The following LRRC37A2 variants were observed in gnomAD, a reference collection of about 807,000 sequenced individuals.
LRRC37A2 encodes the protein leucine-rich repeat-containing protein 37A2.
LRRC37A2 carries 9 observed loss-of-function variants against 68.8 expected under a neutral mutation model. The observed-to-expected ratio is 0.13, with a 90% CI of 0.08 to 0.23. LRRC37A2 has a LOEUF of 0.23. Among genes scored for constraint, LRRC37A2 ranks in the 10% least tolerant of loss-of-function variants. The pLI is 1.00. For missense variants in LRRC37A2, 168 were observed against 950.4 expected (o/e 0.18, Z 10.82); for synonymous variants, 63 against 367.6 (o/e 0.17, Z 9.48).
At chr17:46,817,613 AG>A in the LRRC37A2 span, among the ~76,000 whole-genome samples, 1 of 151,088 alleles carries the variant, frequency 6.6e-6, no homozygotes, top group Non-Finnish European at 1.5e-5. Context: ...TTCCTCACCC[AG>A]GCCCCCCAGA....
the LRRC37A2 span, chr17:46,755,503 G>A: frequency 2.6e-4 from 212 of 812,244 alleles, no homozygotes; most frequent in East Asian, 8.0e-5. Flanking sequence ...TTGTAGGTCC[G>A]AGAGACCAAG....
chr17:46,940,335 C>T, the LRRC37A2 span: 1 of 1,463,634 alleles, frequency 6.8e-7, no homozygotes, highest in South Asian at 1.4e-5. Context: ...TCTGTGACTC[C>T]TAAAATGGGT....
the LRRC37A2 span, among the ~76,000 whole-genome samples, chr17:46,863,935 T>A: frequency 6.6e-6 from 1 of 152,152 alleles, no homozygotes; most frequent in East Asian, 1.9e-4. Flanking sequence ...TCCCTACAGC[T>A]GGGCGAAGGG....
chr17:46,893,264 T>C, the LRRC37A2 span, among the ~76,000 whole-genome samples: 1 of 152,194 alleles, frequency 6.6e-6, no homozygotes, highest in Non-Finnish European at 1.5e-5. Flanking sequence ...TACCTGGTGC[T>C]GAGGAGTAGG....
the LRRC37A2 span, among the ~76,000 whole-genome samples, chr17:46,926,959 A>G: frequency 6.6e-6 from 1 of 152,204 alleles, no homozygotes; most frequent in South Asian, 2.1e-4. Flanking sequence ...CACATGCTTT[A>G]TTCTACTAGT....
chr17:46,784,777 C>T, the LRRC37A2 span, among the ~76,000 whole-genome samples: 1,068 of 129,246 alleles, frequency 8.3e-3, 31 homozygotes, highest in East Asian at 0.035. Flanking sequence ...TTTTGCTTTT[C>T]TTTTTTTTTT....
the LRRC37A2 span, chr17:46,487,131 T>C: frequency 1.3e-6 from 1 of 753,602 alleles, no homozygotes; most frequent in Admixed American, 3.1e-5. Context: ...TGGAGAATGA[T>C]ATCAAACCAG....
the LRRC37A2 span, among the ~76,000 whole-genome samples, chr17:47,020,803 A>AAAAAAAAAAAAAAAAAG: frequency 6.9e-6 from 1 of 145,940 alleles, no homozygotes; most frequent in African/African-American, 2.5e-5. Context: ...AAAAAAAAAA[A>AAAAAAAAAAAAAAAAAG]AAATAGGAGG....
the LRRC37A2 span, among the ~76,000 whole-genome samples, chr17:46,861,046 G>A: frequency 1.3e-5 from 2 of 152,102 alleles, no homozygotes; most frequent in Admixed American, 1.3e-4. Context: ...TTATAGGTGT[G>A]CGTGTTGGGG....
the LRRC37A2 span, among the ~76,000 whole-genome samples, chr17:46,825,069 A>T: frequency 4.6e-5 from 7 of 152,042 alleles, 1 homozygote; most frequent in South Asian, 1.2e-3. Flanking sequence ...GTGCCCCTTT[A>T]TTCTGCCATT....
chr17:46,704,899 A>G, the LRRC37A2 span: 1 of 1,564,716 alleles, frequency 6.4e-7, no homozygotes. Context: ...AAGTAATGAT[A>G]ATAATAACTC....
At chr17:46,499,040 C>G in the LRRC37A2 span, among the ~76,000 whole-genome samples, 2 of 149,370 alleles carry the variant, frequency 1.3e-5, no homozygotes, top group African/African-American at 2.6e-5. Context: ...ATAGGCCAGG[C>G]ATGGTGGCTC....
chr17:46,751,419 T>G, the LRRC37A2 span: 5 of 974,012 alleles, frequency 5.1e-6, no homozygotes, highest in African/African-American at 8.0e-5. Context: ...TTCTTATCAC[T>G]CTTCTTTTAA....
At chr17:46,753,400 CTAATT>C in the LRRC37A2 span, among the ~76,000 whole-genome samples, 100 of 152,232 alleles carry the variant, frequency 6.6e-4, no homozygotes, top group African/African-American at 2.3e-3. Context: ...TTTCAGAAAT[CTAATT>C]TAATCTACTG....
chr17:46,804,520 A>T, the LRRC37A2 span, among the ~76,000 whole-genome samples: 5 of 152,248 alleles, frequency 3.3e-5, no homozygotes, highest in African/African-American at 9.6e-5. Flanking sequence ...CCTCTAAATC[A>T]GAGAGCTGAT....
the LRRC37A2 span, among the ~76,000 whole-genome samples, chr17:46,814,298 TAACTC>T: frequency 2.0e-5 from 3 of 152,258 alleles, no homozygotes. Context: ...TCTAAGGACA[TAACTC>T]AGCTCAGGCT....
the LRRC37A2 span, among the ~76,000 whole-genome samples, chr17:46,574,758 G>GT: frequency 3.0e-3 from 49 of 16,566 alleles, no homozygotes; most frequent in East Asian, 0.021. Context: ...ATTCTCCTCG[G>GT]TTTCCCACTC....
chr17:46,821,890 C>T, the LRRC37A2 span, among the ~76,000 whole-genome samples: 1 of 152,176 alleles, frequency 6.6e-6, no homozygotes, highest in Non-Finnish European at 1.5e-5. Context: ...ACAAAGAATC[C>T]GGTGGCCAGG....
At chr17:46,823,362 C>T in the LRRC37A2 span, among the ~76,000 whole-genome samples, 2 of 150,012 alleles carry the variant, frequency 1.3e-5, no homozygotes, top group Admixed American at 6.7e-5. Context: ...TTACATGTGC[C>T]CGCCACCACG....
Sources: gnomAD v4.1 joint callset for allele counts (sites outside exome capture counted in the v4.1 genomes callset) on GRCh38, gnomAD v4.1.1 for gene constraint, MANE v1.5 for transcripts, NCBI Gene and HGNC (gene_info 2026-07-23, HGNC 2026-07-21) for gene names.